The following PLXDC2 variants were observed in gnomAD, a reference collection of about 807,000 sequenced individuals.
The protein encoded by PLXDC2 is plexin domain containing 2.
In PLXDC2, 40 loss-of-function variants were observed where a neutral mutation model predicts 68.9. That is an observed-to-expected ratio of 0.58 (90% confidence interval 0.45 to 0.76). The LOEUF (loss-of-function observed/expected upper bound fraction) is 0.76, where lower values mean the gene tolerates loss of function less well. PLXDC2 is among the 30% of genes least tolerant of loss of function. PLXDC2 has a pLI of 0.00. For synonymous variants in PLXDC2, 243 were observed against 234.2 expected, an observed-to-expected ratio of 1.04 and a Z score of -0.34; for missense variants, 644 against 661.9, an observed-to-expected ratio of 0.97 and a Z score of 0.30.
At chr10:19,937,355 G>C (rs1330064293) in intron 1 of PLXDC2, among the ~76,000 whole-genome samples, 1 of 151,734 alleles carries the variant, frequency 6.6e-6, no homozygotes, top group Non-Finnish European at 1.5e-5. Context: ...TCTCTGCAGA[G>C]CATCTTCCTG....
chr10:20,268,336 T>C lies in PLXDC2; in HGVS notation c.1474-11367T>C, dbSNP rs144959842. 6.2e-4 allele frequency among the ~76,000 whole-genome samples: 95 copies of C among 152,316 alleles called. No homozygotes were observed. In the East Asian group the frequency reaches 0.016, roughly 26 times the overall value. On this transcript the variant is annotated intron_variant, in intron 13 of 13. Coordinates refer to ENST00000377252, the MANE Select transcript of PLXDC2 (RefSeq NM_032812.9). ...TCATTTTTCAATGTAGGACCTTAAA[T>C]AGGTAAAAAGTTTGTTATCTGCCTT...
At chr10:19,980,849 A>T (rs11011715) in intron 1 of PLXDC2, among the ~76,000 whole-genome samples, 28,338 of 152,092 alleles carry the variant, frequency 0.19, 2,796 homozygotes, top group South Asian at 0.26. Context: ...GTGCTTCAAA[A>T]TGCAAATCTT....
intron 13 of PLXDC2, among the ~76,000 whole-genome samples, chr10:20,257,989 TTTTC>T: frequency 7.9e-6 from 1 of 126,898 alleles, no homozygotes; most frequent in South Asian, 2.4e-4. Flanking sequence ...ATTTTCTTTT[TTTTC>T]TTTCTTTTTT....
intron 13 of PLXDC2, among the ~76,000 whole-genome samples, chr10:20,266,586 C>T (rs913241768): frequency 6.6e-6 from 1 of 151,980 alleles, no homozygotes; most frequent in East Asian, 1.9e-4. Context: ...TTAAATGAAA[C>T]AATTCATGGT....
At chr10:19,951,706 C>G (rs74376914) in intron 1 of PLXDC2, among the ~76,000 whole-genome samples, 1 of 152,092 alleles carries the variant, frequency 6.6e-6, no homozygotes, top group Non-Finnish European at 1.5e-5. Context: ...CTTGTATGTT[C>G]GTTGCAGCAC....
chr10:20,058,154 C>T (rs890550954), intron 3 of PLXDC2, among the ~76,000 whole-genome samples: 4 of 152,076 alleles, frequency 2.6e-5, no homozygotes, highest in Admixed American at 6.6e-5. Context: ...CTAATTGGTA[C>T]GTAATATTTT....
intron 1 of PLXDC2, among the ~76,000 whole-genome samples, chr10:19,913,167 T>C (rs951782963): frequency 1.3e-5 from 2 of 152,182 alleles, no homozygotes; most frequent in Non-Finnish European, 2.9e-5. Flanking sequence ...CAAGTCGATT[T>C]GTAATCCTCA....
At chr10:20,038,201 A>T (rs1310421245) in intron 2 of PLXDC2, among the ~76,000 whole-genome samples, 3 of 152,092 alleles carry the variant, frequency 2.0e-5, no homozygotes, top group African/African-American at 7.2e-5. Context: ...ACGCCACCGC[A>T]TTCCAGCCTG....
intron 13 of PLXDC2, among the ~76,000 whole-genome samples, chr10:20,267,427 T>C (rs982767507): frequency 2.0e-5 from 3 of 152,122 alleles, no homozygotes; most frequent in Admixed American, 2.0e-4. Flanking sequence ...AGGAAGAAGA[T>C]AGCACCAAGA....
At chr10:19,894,849 C>A (rs1053550140) in intron 1 of PLXDC2, among the ~76,000 whole-genome samples, 2 of 152,118 alleles carry the variant, frequency 1.3e-5, no homozygotes, top group African/African-American at 2.4e-5. Context: ...TTAGTTCAAC[C>A]ATTGTGGAAG....
chr10:20,003,543 C>A (rs1834977307), intron 2 of PLXDC2, among the ~76,000 whole-genome samples: 1 of 152,144 alleles, frequency 6.6e-6, no homozygotes, highest in Non-Finnish European at 1.5e-5. Context: ...AGCCATTCTC[C>A]TGCCTCAGCC....
At chr10:19,856,652 C>T (rs1457045886) in intron 1 of PLXDC2, among the ~76,000 whole-genome samples, 1 of 152,206 alleles carries the variant, frequency 6.6e-6, no homozygotes, top group Non-Finnish European at 1.5e-5. Context: ...CTGGCCCTGA[C>T]AGCTCAACAC....
At chr10:19,906,494 A>G (rs929158667) in intron 1 of PLXDC2, among the ~76,000 whole-genome samples, 4 of 152,184 alleles carry the variant, frequency 2.6e-5, no homozygotes, top group Non-Finnish European at 5.9e-5. Context: ...ATTCTGTGGC[A>G]TAGGGACTGT....
At chr10:20,004,550 A>G (rs796628319) in intron 2 of PLXDC2, among the ~76,000 whole-genome samples, 7 of 152,264 alleles carry the variant, frequency 4.6e-5, no homozygotes, top group African/African-American at 1.7e-4. Flanking sequence ...AAAGGGAAAA[A>G]CACATCCCTA....
intron 9 of PLXDC2, among the ~76,000 whole-genome samples, chr10:20,198,686 A>T (rs1224397424): frequency 6.6e-6 from 1 of 152,146 alleles, no homozygotes; most frequent in Non-Finnish European, 1.5e-5. Context: ...TATATCTCTG[A>T]TGAGGGTTAT....
intron 1 of PLXDC2, among the ~76,000 whole-genome samples, chr10:19,975,251 G>A (rs1354476280): frequency 2.0e-5 from 3 of 152,006 alleles, no homozygotes. Context: ...TCAGGAGATT[G>A]AGACCATCCT....
Position 19,817,116 on chromosome 10 carries a change from G to T in PLXDC2, c.37G>T (p.Gly13Ter). ...RFPKADLAAA[G>*]VMLLCHFFTD... is the part of the protein sequence containing the mutation. ...CCCGAAGGCCGACCTGGCCGCTGCA[G>T]GAGTTATGTTACTTTGCCACTTCTT... The change falls in exon 1 of 14, where the codon GGA becomes TGA. Residue 13 changes from glycine (G) to a stop codon, truncating the protein, a stop_gained. Coordinates refer to ENST00000377252, the MANE Select transcript of PLXDC2 (RefSeq NM_032812.9). LOFTEE classifies it high-confidence loss of function. The T allele has an allele frequency of 6.4e-7, 1 of 1,569,750 alleles. No homozygotes were observed. The highest frequency in any genetic ancestry group is 8.7e-7 in the Non-Finnish European group (1 of 1,154,808).
At chr10:19,830,419 AT>A (rs1221693234) in intron 1 of PLXDC2, among the ~76,000 whole-genome samples, 1 of 152,020 alleles carries the variant, frequency 6.6e-6, no homozygotes, top group Non-Finnish European at 1.5e-5. Flanking sequence ...CTCAGAGCAC[AT>A]TTTTTTCTTA....
In PLXDC2 at chr10:20,168,966, C is replaced by A. The variant is rs1305273394; in HGVS notation, c.883+4399C>A. 2.0e-5 allele frequency among the ~76,000 whole-genome samples: 3 copies of A among 152,024 alleles called. No individual in the cohort carries two copies. In the East Asian group the frequency reaches 5.8e-4, roughly 29 times the overall value. On this transcript the variant is annotated intron_variant, in intron 7 of 13. Transcript: ENST00000377252. ...AATTGGCATTATGCTGTAAATTATT[C>A]TGCCCCCTGTTTTCACCTTCATATA...
Sources: gnomAD v4.1 joint callset for allele counts (sites outside exome capture counted in the v4.1 genomes callset) on GRCh38, gnomAD v4.1.1 for gene constraint, MANE v1.5 for transcripts, NCBI Gene and HGNC (gene_info 2026-07-23, HGNC 2026-07-21) for gene names.